NUP155: variants seen among roughly 807,000 people sequenced by gnomAD.
NUP155 encodes the protein nuclear pore complex protein Nup155.
Under a neutral mutation model 180.4 loss-of-function variants are expected in NUP155, and 71 were observed. The ratio of observed to expected loss-of-function variants is 0.39; its 90% confidence interval spans 0.33 to 0.48. The LOEUF is 0.48. Ranked by LOEUF, NUP155 falls within the 20% of genes least tolerant of loss-of-function variation. The probability of loss-of-function intolerance (pLI) is 0.91; values close to 1 mark genes in which losing one functional copy is unlikely to be tolerated. For synonymous variants in NUP155, 582 were observed against 559.5 expected (o/e 1.04, Z -0.57); for missense variants, 1,553 against 1,648.9 (o/e 0.94, Z 1.01).
chr5:37,344,175 A>C (rs1021347058), intron 9 of NUP155, among the ~76,000 whole-genome samples: 1 of 151,846 alleles, frequency 6.6e-6, no homozygotes, highest in Non-Finnish European at 1.5e-5. Flanking sequence ...CCCCATCTCT[A>C]CTAAAAAATA....
In NUP155 at chr5:37,337,872, T is replaced by G; in HGVS notation, c.1293A>C (p.Leu431Phe). Residue 431 changes from leucine to phenylalanine, a missense_variant, in exon 12 of 35, where the codon TTA (leucine) becomes TTC (phenylalanine). Physicochemically the swap from Leu to Phe is conservative, Grantham distance 22. Coordinates refer to ENST00000231498, the MANE Select transcript of NUP155 (RefSeq NM_153485.3). ...AASENEDNDI[L>F]WCVNHDTFPF... The stretch of plus-strand genomic sequence containing the variant: ...GAAAAGTATCATGGTTGACACACCA[T>G]AAAATATCATTATCCTCATTTTCTG... 1 of 1,611,984 alleles carries G rather than the reference T, an allele frequency of 6.2e-7. No individual in the cohort carries two copies. Among genetic ancestry groups the G allele is most frequent in the Non-Finnish European group, 8.5e-7 (1 of 1,178,870 alleles).
chr5:37,361,736 C>T (rs1007845944), intron 3 of NUP155, among the ~76,000 whole-genome samples: 4 of 152,134 alleles, frequency 2.6e-5, no homozygotes, highest in Non-Finnish European at 5.9e-5. Context: ...AATTTGTGGA[C>T]CTTGTGCCTT....
chr5:37,299,349 G>T, intron 31 of NUP155, 99 bp downstream of exon 31: 1 of 1,415,600 alleles, frequency 7.1e-7, no homozygotes, highest in Non-Finnish European at 1.0e-6. Flanking sequence ...ATTTTCATGA[G>T]CCACTAGCAG....
Position 37,298,981 on chromosome 5 carries a change from G to C in NUP155, c.3683-3C>G. ...CAATGTCACACTGTCACTCAATTCT[G>C]TAACAAAAAGACATGTCATTTGAAA... On this transcript the variant is annotated splice_region_variant and splice_polypyrimidine_tract_variant and intron_variant, in intron 31 of 34. Transcript: ENST00000231498. 2 of 1,532,728 alleles carry C rather than the reference G, an allele frequency of 1.3e-6. No homozygotes were observed. The highest frequency in any genetic ancestry group is 1.8e-6 in the Non-Finnish European group (2 of 1,106,072). The allele number at this position is 1,532,728 out of a possible 1,614,324, so 94.9% of individuals were successfully genotyped here.
rs950979589 is a variant in NUP155, at chr5:37,290,751, T to C, written c.*1149A>G. On this transcript the variant is annotated 3_prime_UTR_variant, in exon 35 of 35. Coordinates refer to ENST00000231498, the MANE Select transcript of NUP155 (RefSeq NM_153485.3). ...TAGCAGTATCCTTTACTGCAGTGGC[T>C]TTCAAATTTGACATGCACCAAAATC... The C allele has an allele frequency of 1.3e-5, 2 of 152,184 alleles. No homozygotes were observed. The highest frequency in any genetic ancestry group is 4.8e-5 in the African/African-American group (2 of 41,440). The allele number at this position is 152,184 out of a possible 1,614,324, so 9.4% of individuals were successfully genotyped here.
At chr5:37,338,336 A>T (rs1270516642) in intron 11 of NUP155, among the ~76,000 whole-genome samples, 2 of 151,476 alleles carry the variant, frequency 1.3e-5, no homozygotes, top group Non-Finnish European at 2.9e-5. Flanking sequence ...AAAAAAAAAA[A>T]ATTTTACAAA....
At chr5:37,370,440 C>T (rs1410778637) in intron 1 of NUP155, among the ~76,000 whole-genome samples, 1 of 152,206 alleles carries the variant, frequency 6.6e-6, no homozygotes, top group African/African-American at 2.4e-5. Context: ...TCCAAATTAA[C>T]TTCGTTTGCT....
intron 21 of NUP155, among the ~76,000 whole-genome samples, chr5:37,314,950 G>A (rs1743789662): frequency 6.6e-6 from 1 of 152,172 alleles, no homozygotes; most frequent in South Asian, 2.1e-4. Context: ...AAGTTCTACT[G>A]GCCAGGCGTG....
At chr5:37,327,846 T>C in intron 17 of NUP155, 70 bp from the exon 18 acceptor site, 1 of 1,529,944 alleles carries the variant, frequency 6.5e-7, no homozygotes, top group Non-Finnish European at 9.0e-7. Context: ...TTAATCTTAA[T>C]CTTAGAACCC....
intron 1 of NUP155, among the ~76,000 whole-genome samples, chr5:37,370,100 G>T (rs890273406): frequency 2.6e-5 from 4 of 152,242 alleles, no homozygotes; most frequent in Non-Finnish European, 4.4e-5. Context: ...GCCGGGTGCA[G>T]TGGCTTGCGC....
In NUP155 at chr5:37,351,112, T is replaced by A. The variant is rs560165864; in HGVS notation, c.723+78A>T. On this transcript the variant is annotated intron_variant, in intron 6 of 34. Coordinates refer to ENST00000231498, the MANE Select transcript of NUP155 (RefSeq NM_153485.3). ...AAAATATATTAATGTCCTTATATAA[T>A]TAGAAAACAAAATAAAGGCTTATCT... 21 of 1,142,880 alleles carry A rather than the reference T, an allele frequency of 1.8e-5. No individual in the cohort carries two copies. The South Asian group carries it at 2.7e-4, about 15-fold the overall frequency. 70.8% of individuals were successfully genotyped at this position (1,142,880 alleles called of 1,614,324 possible).
At chr5:37,296,005 G>T (rs1199804488) in intron 32 of NUP155, among the ~76,000 whole-genome samples, 2 of 139,284 alleles carry the variant, frequency 1.4e-5, no homozygotes, top group Non-Finnish European at 3.1e-5. Flanking sequence ...AGGGAGGAGG[G>T]GGGGGTCAGC....
intron 9 of NUP155, among the ~76,000 whole-genome samples, chr5:37,343,485 T>C (rs1745874982): frequency 6.6e-6 from 1 of 152,146 alleles, no homozygotes; most frequent in Admixed American, 6.5e-5. Context: ...ATTTATATTA[T>C]TAAGAGTAAC....
chr5:37,299,528 C>A lies in NUP155; in HGVS notation c.3602G>T (p.Cys1201Phe). The change falls in exon 31 of 35, where the codon TGC becomes TTC. Residue 1201 changes from cysteine to phenylalanine, a missense_variant. Transcript: ENST00000231498. ...EFADPFKLAECKLAIIHCAGY... is the reference protein window; with the variant it reads ...EFADPFKLAEFKLAIIHCAGY... The stretch of plus-strand genomic sequence containing the variant: ...GGCACAATGAATTATTGCAAGTTTG[C>A]ACTCTGCAAGTTTAAATGGGTCAGC... 6.2e-7 allele frequency: 1 copy of A among 1,613,952 alleles called. No homozygotes were observed.
intron 32 of NUP155, 52 bp from the exon 33 acceptor site, chr5:37,294,517 A>G: frequency 6.5e-7 from 1 of 1,541,956 alleles, no homozygotes; most frequent in South Asian, 1.1e-5. Flanking sequence ...CTTGATACTA[A>G]AAGGTAGGTC....
chr5:37,350,070 A>G, intron 7 of NUP155, 90 bp downstream of exon 7: 1 of 913,396 alleles, frequency 1.1e-6, no homozygotes, highest in Admixed American at 1.7e-5. Context: ...AAATTGTTTC[A>G]ATTAAGAATG....
intron 4 of NUP155, among the ~76,000 whole-genome samples, chr5:37,356,454 C>A (rs1746837757): frequency 6.6e-6 from 1 of 151,788 alleles, no homozygotes; most frequent in South Asian, 2.1e-4. Flanking sequence ...ACCAGCATGG[C>A]CAACATGGCG....
At chr5:37,294,819 G>A (rs1341506681) in intron 32 of NUP155, among the ~76,000 whole-genome samples, 2 of 152,114 alleles carry the variant, frequency 1.3e-5, no homozygotes, top group East Asian at 3.9e-4. Flanking sequence ...AAGTAGATTA[G>A]TGGCTGCCTA....
chr5:37,367,847 G>A (rs967731750), intron 1 of NUP155, among the ~76,000 whole-genome samples: 10 of 151,760 alleles, frequency 6.6e-5, no homozygotes, highest in African/African-American at 2.2e-4. Context: ...ACAGTGGCGC[G>A]ATCTCGGCTC....
Sources: allele counts gnomAD v4.1 joint callset (sites outside exome capture counted in the v4.1 genomes callset), GRCh38; gene constraint gnomAD v4.1.1; transcripts MANE v1.5; gene names NCBI Gene and HGNC (gene_info 2026-07-23, HGNC 2026-07-21).